The following NTNG1 variants were observed in gnomAD, a reference collection of about 807,000 sequenced individuals.
NTNG1 encodes netrin G1.
In NTNG1, 16 loss-of-function variants were observed where a neutral mutation model predicts 54.0. That is an observed-to-expected ratio of 0.30 (90% CI 0.20 to 0.45). The LOEUF is 0.45. Among genes scored for constraint, NTNG1 ranks in the 20% least tolerant of loss-of-function variants. The probability of loss-of-function intolerance (pLI) is 1.00; values close to 1 mark genes in which losing one functional copy is unlikely to be tolerated. For missense variants in NTNG1, 530 were observed against 678.7 expected, an observed-to-expected ratio of 0.78 and a Z score of 2.43; for synonymous variants, 255 against 263.1, an observed-to-expected ratio of 0.97 and a Z score of 0.30.
intron 7 of NTNG1, among the ~76,000 whole-genome samples, chr1:107,448,182 G>A (rs1676416315): frequency 6.6e-6 from 1 of 152,034 alleles, no homozygotes; most frequent in African/African-American, 2.4e-5. Context: ...TGATATCTGA[G>A]CAGGAACCTT....
intron 7 of NTNG1, among the ~76,000 whole-genome samples, chr1:107,445,910 T>C (rs933028545): frequency 1.2e-4 from 19 of 152,114 alleles, no homozygotes; most frequent in African/African-American, 4.6e-4. Context: ...TCTTTTGATT[T>C]TGTTTCAATC....
chr1:107,275,359 A>T (rs774394397), intron 2 of NTNG1, among the ~76,000 whole-genome samples: 1 of 152,322 alleles, frequency 6.6e-6, no homozygotes, highest in Admixed American at 6.5e-5. Flanking sequence ...CCTAGGTGAC[A>T]GCGAGACTCC....
chr1:107,181,789 G>A (rs914989637), intron 2 of NTNG1, among the ~76,000 whole-genome samples: 2 of 152,000 alleles, frequency 1.3e-5, no homozygotes, highest in South Asian at 2.1e-4. Flanking sequence ...TGTGACACAC[G>A]GTGCTTAAAT....
intron 2 of NTNG1, among the ~76,000 whole-genome samples, chr1:107,172,019 A>T (rs1656283935): frequency 6.6e-6 from 1 of 151,150 alleles, no homozygotes; most frequent in Admixed American, 6.6e-5. Context: ...TCTGTTTTTT[A>T]TTCTTTTGCC....
At chr1:107,177,543 C>CA (rs1300906096) in intron 2 of NTNG1, among the ~76,000 whole-genome samples, 3 of 152,082 alleles carry the variant, frequency 2.0e-5, no homozygotes, top group Non-Finnish European at 2.9e-5. Context: ...GCATGTTGGC[C>CA]AGCCTGGTCT....
intron 2 of NTNG1, among the ~76,000 whole-genome samples, chr1:107,228,914 C>A (rs752225135): frequency 6.6e-6 from 1 of 152,100 alleles, no homozygotes; most frequent in East Asian, 1.9e-4. Context: ...CATTGCTCCC[C>A]GCAGTGCATT....
intron 2 of NTNG1, among the ~76,000 whole-genome samples, chr1:107,180,124 A>G (rs1439956883): frequency 6.6e-6 from 1 of 152,172 alleles, no homozygotes; most frequent in Non-Finnish European, 1.5e-5. Flanking sequence ...CAATATAGGA[A>G]TTGTAATAAA....
intron 2 of NTNG1, among the ~76,000 whole-genome samples, chr1:107,322,172 G>A (rs1667698116): frequency 6.6e-6 from 1 of 152,074 alleles, no homozygotes; most frequent in African/African-American, 2.4e-5. Context: ...CATCTCATGT[G>A]GCCCCAGTGC....
intron 2 of NTNG1, among the ~76,000 whole-genome samples, chr1:107,150,864 C>G (rs1654516649): frequency 6.6e-6 from 1 of 152,226 alleles, no homozygotes; most frequent in African/African-American, 2.4e-5. Context: ...CCATTCCTCT[C>G]AGTCCATTGG....
At chr1:107,471,457 A>G (rs1034052699) in intron 7 of NTNG1, among the ~76,000 whole-genome samples, 1 of 152,174 alleles carries the variant, frequency 6.6e-6, no homozygotes, top group Non-Finnish European at 1.5e-5. Context: ...TACACCATCA[A>G]CATTGCAAAA....
At chr1:107,468,598 G>A (rs12354155) in intron 7 of NTNG1, among the ~76,000 whole-genome samples, 13,920 of 152,052 alleles carry the variant, frequency 0.092, 841 homozygotes, top group Non-Finnish European at 0.13. Flanking sequence ...TCCCATAATG[G>A]TTTCTCACCT....
intron 7 of NTNG1, among the ~76,000 whole-genome samples, chr1:107,447,987 A>G (rs971319227): frequency 3.3e-5 from 5 of 152,082 alleles, no homozygotes; most frequent in African/African-American, 9.7e-5. Context: ...TGTGCCAGAC[A>G]TTGTGCTAAG....
chr1:107,358,553 A>G (rs2100935007), intron 3 of NTNG1, among the ~76,000 whole-genome samples: 1 of 152,100 alleles, frequency 6.6e-6, no homozygotes, highest in Non-Finnish European at 1.5e-5. Context: ...TCTTTTTCCA[A>G]ACTAATACAG....
At chr1:107,218,946 G>T (rs1371238323) in intron 2 of NTNG1, among the ~76,000 whole-genome samples, 3 of 151,924 alleles carry the variant, frequency 2.0e-5, no homozygotes, top group Admixed American at 2.0e-4. Context: ...TGGATGTCTG[G>T]GTCTCTAGGA....
At chr1:107,173,077 G>A (rs1334817774) in intron 2 of NTNG1, among the ~76,000 whole-genome samples, 1 of 152,006 alleles carries the variant, frequency 6.6e-6, no homozygotes, top group African/African-American at 2.4e-5. Flanking sequence ...ACATCATAAT[G>A]GCTCTGTAGT....
intron 2 of NTNG1, among the ~76,000 whole-genome samples, chr1:107,319,379 G>A (rs1167892575): frequency 6.6e-6 from 1 of 152,092 alleles, no homozygotes; most frequent in African/African-American, 2.4e-5. Context: ...TCTAGACGAT[G>A]CCCCAAACTT....
chr1:107,407,286 A>G (rs969519744), intron 4 of NTNG1, among the ~76,000 whole-genome samples: 1 of 152,174 alleles, frequency 6.6e-6, no homozygotes, highest in Non-Finnish European at 1.5e-5. Context: ...CATAGAGTGT[A>G]TATTTGGTAC....
intron 7 of NTNG1, among the ~76,000 whole-genome samples, chr1:107,443,080 G>C (rs1321405456): frequency 6.6e-6 from 1 of 152,080 alleles, no homozygotes; most frequent in Non-Finnish European, 1.5e-5. Flanking sequence ...ACGAGAAATT[G>C]AGTGAAAACT....
At chr1:107,248,649 G>T (rs1283535645) in intron 2 of NTNG1, among the ~76,000 whole-genome samples, 1 of 152,042 alleles carries the variant, frequency 6.6e-6, no homozygotes, top group East Asian at 1.9e-4. Context: ...TTAACCTGTC[G>T]GTTACTATAC....
Sources: allele counts gnomAD v4.1 joint callset (sites outside exome capture counted in the v4.1 genomes callset), GRCh38; gene constraint gnomAD v4.1.1; transcripts MANE v1.5; gene names NCBI Gene and HGNC (gene_info 2026-07-23, HGNC 2026-07-21).